Variants in LARP1B observed in about 807,000 individuals in gnomAD.
The protein encoded by LARP1B is la-related protein 1B.
A neutral mutation model predicts 114.2 loss-of-function variants in LARP1B; 76 were observed. The observed-to-expected ratio is 0.67, with a 90% confidence interval of 0.55 to 0.81. The LOEUF (loss-of-function observed/expected upper bound fraction) is 0.81. Among genes scored for constraint, LARP1B ranks in the 30% least tolerant of loss-of-function variants. The pLI is 0.00. For synonymous variants in LARP1B, 345 were observed against 348.0 expected, an observed-to-expected ratio of 0.99 and a Z score of 0.10; for missense variants, 1,014 against 1,075.8, an observed-to-expected ratio of 0.94 and a Z score of 0.80.
At position 128,159,753 on chromosome 4, in the gene LARP1B, A is replaced by G. The variant is rs1002180997; in HGVS notation, c.1525-2441A>G. Among the ~76,000 whole-genome samples the G allele has an allele frequency of 1.3e-5, 2 of 152,310 alleles. 1 individual carries two copies. The highest frequency in any genetic ancestry group is 1.3e-4 in the Admixed American group (2 of 15,288). ...TGTAGATCAACAGGAACTTTAATAT[A>G]CTGCTAATGGGGATAAAAATAGGTA... On this transcript the variant is annotated intron_variant, in intron 11 of 19. Transcript: ENST00000326639.
intron 12 of LARP1B, among the ~76,000 whole-genome samples, chr4:128,166,970 C>CTCTATA (rs1189451874): frequency 6.0e-4 from 47 of 77,822 alleles, no homozygotes; most frequent in African/African-American, 2.0e-3. Context: ...CTCTCTCTCT[C>CTCTATA]TATATATATA....
rs7696130 is a variant in LARP1B, at chr4:128,074,485, G to A, written c.-52G>A. On this transcript the variant is annotated 5_prime_UTR_variant, in exon 2 of 20. Transcript: ENST00000326639. ...AATTCGGTTCCCTCAAAATTATAAAGGCAGGAAAGCTCAAGACAAAGAAAT... is the reference window on the plus strand; with the variant it reads ...AATTCGGTTCCCTCAAAATTATAAAAGCAGGAAAGCTCAAGACAAAGAAAT... 0.63 allele frequency: 562,437 copies of A among 896,376 alleles called. 178,354 individuals carry two copies. Among genetic ancestry groups the A allele is most frequent in the Middle Eastern group, 0.81 (1,390 of 1,724 alleles). The allele number at this position is 896,376 out of a possible 1,614,324, so 55.5% of individuals were successfully genotyped here. A position where few individuals can be genotyped will look rare whatever the true frequency, so the allele number is the denominator to read the frequency against.
chr4:128,094,400 C>CTTTTTTT, intron 7 of LARP1B, among the ~76,000 whole-genome samples: 81 of 128,704 alleles, frequency 6.3e-4, no homozygotes, highest in Non-Finnish European at 6.9e-4. Context: ...TTTTCTTTTT[C>CTTTTTTT]TTTTTTTTTT....
rs534353401 is a variant in LARP1B, at chr4:128,128,335, G to A, written c.1524+6147G>A. On this transcript the variant is annotated intron_variant, in intron 11 of 19. Transcript: ENST00000326639. The stretch of plus-strand genomic sequence containing the variant: ...ACACTATACAGAAAGTGAAAAGCCA[G>A]TACAGATGTTCCTCAAATTATGTTG... Among the ~76,000 whole-genome samples, 66 of 152,242 alleles carry A rather than the reference G, an allele frequency of 4.3e-4. No individual in the cohort carries two copies. In the South Asian group the frequency reaches 7.5e-3, roughly 17 times the overall value.
intron 5 of LARP1B, among the ~76,000 whole-genome samples, chr4:128,090,478 G>T (rs1775508001): frequency 6.6e-6 from 1 of 152,186 alleles, no homozygotes; most frequent in Non-Finnish European, 1.5e-5. Flanking sequence ...TTGAGTGGTT[G>T]TGTCTGTGTG....
chr4:128,105,340 T>C (rs1008981520), intron 8 of LARP1B, among the ~76,000 whole-genome samples: 3 of 152,188 alleles, frequency 2.0e-5, no homozygotes, highest in Non-Finnish European at 2.9e-5. Context: ...CTGAGTTCTT[T>C]TCATTGGTAG....
At chr4:128,219,211 T>C (rs1759779974) in intron 6 of LARP1B, among the ~76,000 whole-genome samples, 1 of 146,760 alleles carries the variant, frequency 6.8e-6, no homozygotes, top group Non-Finnish European at 1.5e-5. Flanking sequence ...TGTAAACTAG[T>C]TCAACCATTG....
chr4:128,077,645 C>A, intron 3 of LARP1B, 143 bp from the exon 4 acceptor site: 1 of 824,118 alleles, frequency 1.2e-6, no homozygotes, highest in Non-Finnish European at 1.8e-6. Context: ...TTTTAACTGT[C>A]TTTTGAAAAG....
intron 16 of LARP1B, 50 bp downstream of exon 16, chr4:128,199,649 A>G (rs1029151707): frequency 7.4e-6 from 7 of 940,540 alleles, no homozygotes; most frequent in Non-Finnish European, 8.5e-6. Context: ...TTAAAATATA[A>G]TTCTAAAAAA....
intron 10 of LARP1B, among the ~76,000 whole-genome samples, chr4:128,120,886 C>G (rs2149996060): frequency 6.7e-6 from 1 of 149,070 alleles, no homozygotes; most frequent in East Asian, 2.1e-4. Flanking sequence ...TCTCGGCTCA[C>G]TGCAACCTCT....
intron 7 of LARP1B, chr4:128,092,951 C>A (rs1776409263): frequency 1.0e-6 from 1 of 985,272 alleles, no homozygotes; most frequent in Admixed American, 6.2e-5. Context: ...CCAGTGTGCT[C>A]ATACAAGTGA....
chr4:128,153,631 C>T (rs1435800312), intron 11 of LARP1B, among the ~76,000 whole-genome samples: 2 of 152,130 alleles, frequency 1.3e-5, no homozygotes, highest in Non-Finnish European at 2.9e-5. Flanking sequence ...GTGGTCTTCC[C>T]TGGTTTATCC....
Position 128,152,973 on chromosome 4 carries a change from CTTTTTTTTTT to C in LARP1B, c.1525-9204_1525-9195del, listed in dbSNP as rs141211750. Among the ~76,000 whole-genome samples the C allele has an allele frequency of 5.0e-4, 41 of 81,310 alleles. 1 individual carries two copies. Among genetic ancestry groups the C allele is most frequent in the African/African-American group, 1.8e-3 (37 of 20,908 alleles). 53.3% of individuals were successfully genotyped at this position (81,310 alleles called of 152,430 possible). A position where few individuals can be genotyped will look rare whatever the true frequency, so the allele number is the denominator to read the frequency against. ...TTTTAAGTTTACAATTTTGGTTTGC[CTTTTTTTTTT>C]TTTTTTTTTTTTTTTTGAGATGGAG... On this transcript the variant is annotated intron_variant, in intron 11 of 19. Coordinates refer to ENST00000326639, the MANE Select transcript of LARP1B (RefSeq NM_018078.4).
At chr4:128,101,422 CATAAA>C (rs1780276525) in intron 8 of LARP1B, among the ~76,000 whole-genome samples, 1 of 151,760 alleles carries the variant, frequency 6.6e-6, no homozygotes, top group Admixed American at 6.6e-5. Context: ...TTGAAAATAA[CATAAA>C]ATAATGATTT....
intron 11 of LARP1B, chr4:128,122,611 C>T: frequency 1.4e-6 from 2 of 1,479,172 alleles, no homozygotes; most frequent in Admixed American, 2.6e-5. Context: ...CTTTAGAGAG[C>T]ACTCTTCTTG....
intron 1 of LARP1B, among the ~76,000 whole-genome samples, chr4:128,062,448 G>T (rs1266019637): frequency 6.6e-6 from 1 of 152,230 alleles, no homozygotes; most frequent in East Asian, 1.9e-4. Flanking sequence ...GGTTCTCCTT[G>T]CCTGATGGGG....
intron 6 of LARP1B, among the ~76,000 whole-genome samples, chr4:128,217,852 T>G (rs1444665103): frequency 6.7e-6 from 1 of 149,862 alleles, no homozygotes; most frequent in Non-Finnish European, 1.5e-5. Flanking sequence ...GGAAGTCAAA[T>G]TACCCCTGTT....
intron 15 of LARP1B, among the ~76,000 whole-genome samples, chr4:128,197,417 T>G (rs1490686135): frequency 6.6e-6 from 1 of 152,182 alleles, no homozygotes; most frequent in Non-Finnish European, 1.5e-5. Flanking sequence ...TTTTATCAGC[T>G]GGGCGCAGTA....
rs527706632 is a variant in LARP1B at position 128,111,951 on chromosome 4, A to C, written c.989-2619A>C. Among the ~76,000 whole-genome samples the C allele has an allele frequency of 9.2e-4, 140 of 151,906 alleles. 1 individual carries two copies. Among genetic ancestry groups the C allele is most frequent in the African/African-American group, 3.3e-3 (136 of 41,460 alleles). On this transcript the variant is annotated intron_variant, in intron 9 of 19. Transcript: ENST00000326639. Reference sequence around the variant, plus strand: ...ATGATCTGCCTGCCTCGGCCTCCCAAAGTGCTGGGATTATAGGCATGAGCC... The same window carrying C: ...ATGATCTGCCTGCCTCGGCCTCCCACAGTGCTGGGATTATAGGCATGAGCC...
Sources: gnomAD v4.1 joint callset for allele counts (sites outside exome capture counted in the v4.1 genomes callset) on GRCh38, gnomAD v4.1.1 for gene constraint, MANE v1.5 for transcripts, NCBI Gene and HGNC (gene_info 2026-07-23, HGNC 2026-07-21) for gene names.